Variants in FAM210A observed in about 807,000 individuals in gnomAD.
FAM210A encodes family with sequence similarity 210 member A.
A neutral mutation model predicts 25.3 loss-of-function variants in FAM210A; 13 were observed. The ratio of observed to expected loss-of-function variants is 0.51; its 90% CI spans 0.33 to 0.82. The LOEUF (loss-of-function observed/expected upper bound fraction) is 0.82, where lower values mean the gene tolerates loss of function less well. Ranked by LOEUF, FAM210A falls within the 40% of genes least tolerant of loss-of-function variation. The pLI is 0.02. For synonymous variants in FAM210A, 125 were observed against 118.7 expected, an observed-to-expected ratio of 1.05 and a Z score of -0.35; for missense variants, 319 against 323.2, an observed-to-expected ratio of 0.99 and a Z score of 0.10.
intron 1 of FAM210A, among the ~76,000 whole-genome samples, chr18:13,698,941 G>T (rs1277080821): frequency 6.6e-6 from 1 of 152,026 alleles, no homozygotes; most frequent in African/African-American, 2.4e-5. Flanking sequence ...CTGTAGAGCC[G>T]CCCTCTTTCT....
intron 1 of FAM210A, among the ~76,000 whole-genome samples, chr18:13,707,973 G>T (rs2043792490): frequency 6.6e-6 from 1 of 152,122 alleles, no homozygotes; most frequent in Admixed American, 6.5e-5. Context: ...GGATTCTGGG[G>T]GCTGCCCAAT....
At chr18:13,725,625 C>A (rs771056513) in intron 1 of FAM210A, among the ~76,000 whole-genome samples, 1 of 152,150 alleles carries the variant, frequency 6.6e-6, no homozygotes, top group Non-Finnish European at 1.5e-5. Flanking sequence ...ACTTGACGCA[C>A]GACGTTAATA....
intron 2 of FAM210A, among the ~76,000 whole-genome samples, chr18:13,673,868 C>A (rs1366981626): frequency 5.0e-4 from 6 of 11,964 alleles, no homozygotes; most frequent in Non-Finnish European, 8.8e-4. Flanking sequence ...GCCCTGGCTT[C>A]TTTATTTCCA....
At chr18:13,669,588 T>C (rs2043426600) in intron 3 of FAM210A, among the ~76,000 whole-genome samples, 1 of 152,168 alleles carries the variant, frequency 6.6e-6, no homozygotes, top group Non-Finnish European at 1.5e-5. Context: ...CCCCCATCCC[T>C]GGTTTCCTTT....
chr18:13,702,057 A>G (rs1043867674), intron 1 of FAM210A, among the ~76,000 whole-genome samples: 5 of 152,238 alleles, frequency 3.3e-5, no homozygotes, highest in Admixed American at 2.0e-4. Flanking sequence ...GTTCCACAAA[A>G]CAGAAAAAGA....
intron 1 of FAM210A, chr18:13,687,912 G>C (rs1340184043): frequency 6.6e-6 from 1 of 152,104 alleles, no homozygotes; most frequent in Non-Finnish European, 1.5e-5. Flanking sequence ...GATTGCTGCA[G>C]ACCCGCATGA....
At chr18:13,679,112 T>A (rs1020690461) in intron 2 of FAM210A, among the ~76,000 whole-genome samples, 1 of 152,268 alleles carries the variant, frequency 6.6e-6, no homozygotes, top group African/African-American at 2.4e-5. Context: ...TTCATCACTC[T>A]GTCATTCTAA....
At chr18:13,667,576 G>A (rs773438620) in intron 3 of FAM210A, among the ~76,000 whole-genome samples, 23 of 152,100 alleles carry the variant, frequency 1.5e-4, no homozygotes, top group East Asian at 7.7e-4. Context: ...AAAATTAGCC[G>A]GGCGTGGTGG....
intron 2 of FAM210A, among the ~76,000 whole-genome samples, chr18:13,672,797 C>T (rs910578088): frequency 1.3e-5 from 2 of 152,154 alleles, no homozygotes; most frequent in Admixed American, 6.5e-5. Flanking sequence ...AAAGAATAAA[C>T]GACACTATGG....
intron 1 of FAM210A, among the ~76,000 whole-genome samples, chr18:13,713,222 C>T (rs1389003059): frequency 6.6e-6 from 1 of 152,156 alleles, no homozygotes; most frequent in Non-Finnish European, 1.5e-5. Context: ...TTAACTTTTG[C>T]TGTTCTTGCC....
At chr18:13,702,834 G>A (rs896270527) in intron 1 of FAM210A, among the ~76,000 whole-genome samples, 9 of 152,094 alleles carry the variant, frequency 5.9e-5, no homozygotes, top group Non-Finnish European at 7.3e-5. Flanking sequence ...CAGGAACTGC[G>A]GAATTCTCCT....
At chr18:13,710,926 G>T (rs1172033641) in intron 1 of FAM210A, among the ~76,000 whole-genome samples, 1 of 152,216 alleles carries the variant, frequency 6.6e-6, no homozygotes, top group African/African-American at 2.4e-5. Context: ...TCAGGAAACT[G>T]TTTTCCATGC....
chr18:13,694,740 G>T (rs918752586), intron 1 of FAM210A, among the ~76,000 whole-genome samples: 4 of 152,188 alleles, frequency 2.6e-5, no homozygotes, highest in Non-Finnish European at 5.9e-5. Flanking sequence ...AGACTTAAAT[G>T]TTAGACCTAA....
At chr18:13,725,314 G>T (rs779355439) in intron 1 of FAM210A, among the ~76,000 whole-genome samples, 5 of 152,162 alleles carry the variant, frequency 3.3e-5, no homozygotes, top group Non-Finnish European at 7.3e-5. Flanking sequence ...AATACAAGCA[G>T]TCATCAGAAA....
chr18:13,703,770 T>C (rs1225060989), intron 1 of FAM210A, among the ~76,000 whole-genome samples: 1 of 152,212 alleles, frequency 6.6e-6, no homozygotes, highest in Admixed American at 6.5e-5. Context: ...CTTAAACATT[T>C]TGAAAGAAAA....
chr18:13,682,067 T>C lies in FAM210A; in HGVS notation c.11A>G (p.Asn4Ser), dbSNP rs1437090375. MQW[N>S]VPRTVSRLAR... ...CAGTCGAGATACAGTCCGTGGTACA[T>C]TCCATTGCATTTTGAAGAGTGTTGA... The change falls in exon 2 of 4, where the codon AAT becomes AGT. Residue 4 changes from asparagine (N) to serine (S), a missense_variant. By Grantham distance (46) the Asn-to-Ser change is conservative (BLOSUM62 1). Transcript: ENST00000651643. The C allele has an allele frequency of 1.3e-6, 2 of 1,578,908 alleles. No homozygotes were observed. The highest frequency in any genetic ancestry group is 1.4e-5 in the African/African-American group (1 of 73,504).
intron 1 of FAM210A, among the ~76,000 whole-genome samples, chr18:13,708,867 C>G (rs575816184): frequency 6.6e-6 from 1 of 152,320 alleles, no homozygotes; most frequent in African/African-American, 2.4e-5. Context: ...TGGTTTCACG[C>G]TGAAATCTTT....
intron 3 of FAM210A, among the ~76,000 whole-genome samples, chr18:13,670,299 TCGGGTTA>T (rs1203490417): frequency 6.6e-6 from 1 of 152,236 alleles, no homozygotes; most frequent in East Asian, 1.9e-4. Flanking sequence ...TTTGACTTAC[TCGGGTTA>T]AAATTATACC....
At position 13,663,826 on chromosome 18, in the gene FAM210A, T is replaced by C; in HGVS notation, c.*2654A>G. The C allele has an allele frequency of 6.6e-6, 1 of 151,998 alleles. No individual in the cohort carries two copies. Among genetic ancestry groups the C allele is most frequent in the Non-Finnish European group, 1.5e-5 (1 of 68,010 alleles). 9.4% of individuals were successfully genotyped at this position (151,998 alleles called of 1,614,324 possible). A position where few individuals can be genotyped will look rare whatever the true frequency, so the allele number is the denominator to read the frequency against. ...TGAGACTCTGTCTCAAAAAAATAAA[T>C]ATAAATATAAATATAAATGTAGACA... On this transcript the variant is annotated 3_prime_UTR_variant, in exon 4 of 4. Coordinates refer to ENST00000651643, the MANE Select transcript of FAM210A (RefSeq NM_152352.4).
Sources: allele counts gnomAD v4.1 joint callset (sites outside exome capture counted in the v4.1 genomes callset), GRCh38; gene constraint gnomAD v4.1.1; transcripts MANE v1.5; gene names NCBI Gene and HGNC (gene_info 2026-07-23, HGNC 2026-07-21).